The following WWOX variants were observed in gnomAD, a reference collection of about 807,000 sequenced individuals.
The protein encoded by WWOX is WW domain containing oxidoreductase.
WWOX carries 69 observed loss-of-function variants against 46.2 expected under a neutral mutation model. That is an observed-to-expected ratio of 1.49 (90% CI 1.23 to 1.82). The LOEUF (loss-of-function observed/expected upper bound fraction) is 1.82, where lower values mean the gene tolerates loss of function less well. Ranked by LOEUF, WWOX falls within the 40% of genes most tolerant of loss-of-function variation. WWOX has a pLI of 0.00. For synonymous variants in WWOX, 359 were observed against 202.6 expected (o/e 1.77, Z -6.56); for missense variants, 919 against 542.6 (o/e 1.69, Z -6.89).
intron 8 of WWOX, among the ~76,000 whole-genome samples, chr16:78,830,551 C>G (rs959848922): frequency 2.0e-5 from 3 of 151,958 alleles, no homozygotes; most frequent in South Asian, 2.1e-4. Context: ...CAGCAGATTC[C>G]CAGCATCTTC....
chr16:78,752,761 C>G (rs1358595314), intron 8 of WWOX, among the ~76,000 whole-genome samples: 1 of 152,216 alleles, frequency 6.6e-6, no homozygotes, highest in African/African-American at 2.4e-5. Context: ...TTCACCACAA[C>G]TTTATGTAAT....
chr16:78,388,969 CAAAA>C (rs71137896), intron 6 of WWOX, among the ~76,000 whole-genome samples: 2 of 129,274 alleles, frequency 1.5e-5, no homozygotes, highest in African/African-American at 6.3e-5. Flanking sequence ...AACTCTGTCT[CAAAA>C]AAAAAAAAAA....
chr16:78,886,421 A>C (rs945081346), intron 8 of WWOX, among the ~76,000 whole-genome samples: 3 of 151,864 alleles, frequency 2.0e-5, no homozygotes, highest in African/African-American at 7.2e-5. Flanking sequence ...GGCTTCACAA[A>C]AGAACATTTC....
intron 8 of WWOX, among the ~76,000 whole-genome samples, chr16:79,071,982 T>C (rs541935554): frequency 6.6e-6 from 1 of 152,282 alleles, no homozygotes; most frequent in South Asian, 2.1e-4. Context: ...TTTTTTGTAT[T>C]AGCTTAAAAA....
chr16:79,203,430 T>G (rs1158013174), intron 8 of WWOX: 1 of 152,028 alleles, frequency 6.6e-6, no homozygotes, highest in East Asian at 1.9e-4. Flanking sequence ...CCTCTTAATT[T>G]GTTTCTGGAA....
chr16:78,948,180 T>C (rs2045985398), intron 8 of WWOX, among the ~76,000 whole-genome samples: 1 of 152,172 alleles, frequency 6.6e-6, no homozygotes, highest in Non-Finnish European at 1.5e-5. Context: ...CCGTGGTTTG[T>C]CAGGACATTT....
chr16:78,134,854 G>C (rs1182246241), intron 4 of WWOX, among the ~76,000 whole-genome samples: 1 of 152,112 alleles, frequency 6.6e-6, no homozygotes, highest in Non-Finnish European at 1.5e-5. Flanking sequence ...TGAGGATATT[G>C]GTAATATTGT....
At chr16:78,909,298 T>G (rs1945612994) in intron 8 of WWOX, among the ~76,000 whole-genome samples, 1 of 152,200 alleles carries the variant, frequency 6.6e-6, no homozygotes, top group Admixed American at 6.5e-5. Flanking sequence ...AATGTTGAGA[T>G]GCCAAGGGGG....
chr16:79,046,757 G>C (rs369502573), intron 8 of WWOX, among the ~76,000 whole-genome samples: 39 of 152,254 alleles, frequency 2.6e-4, no homozygotes, highest in African/African-American at 8.9e-4. Context: ...AAGAAATCCA[G>C]GGCTGGGTGT....
chr16:78,746,229 G>C (rs887777846), intron 8 of WWOX, among the ~76,000 whole-genome samples: 1 of 152,238 alleles, frequency 6.6e-6, no homozygotes, highest in Non-Finnish European at 1.5e-5. Flanking sequence ...TGAGCATGGT[G>C]GCTCACACCT....
chr16:78,620,641 C>T (rs911344503), intron 8 of WWOX, among the ~76,000 whole-genome samples: 4 of 152,136 alleles, frequency 2.6e-5, no homozygotes, highest in African/African-American at 9.7e-5. Flanking sequence ...AGTGTACTTC[C>T]TGCTTCTTGA....
At chr16:78,625,009 A>G (rs2046279997) in intron 8 of WWOX, among the ~76,000 whole-genome samples, 1 of 152,114 alleles carries the variant, frequency 6.6e-6, no homozygotes, top group South Asian at 2.1e-4. Flanking sequence ...TTCTGCCTCC[A>G]TCACTGGAAC....
Position 78,723,845 on chromosome 16 carries a change from TC to T in WWOX, c.1056+291094del, listed in dbSNP as rs1345636024. 2.0e-5 allele frequency among the ~76,000 whole-genome samples: 3 copies of T among 152,008 alleles called. No homozygotes were observed. The East Asian group carries it at 5.8e-4, about 29-fold the overall frequency. The stretch of plus-strand genomic sequence containing the variant: ...TGATGTAACAGATAACCCCCAAATT[TC>T]AGTGATTTCACATTTAATCTGTAAA... On this transcript the variant is annotated intron_variant, in intron 8 of 8. Coordinates refer to ENST00000566780, the MANE Select transcript of WWOX (RefSeq NM_016373.4).
At chr16:78,217,600 C>T (rs192893114) in intron 5 of WWOX, among the ~76,000 whole-genome samples, 8 of 152,150 alleles carry the variant, frequency 5.3e-5, no homozygotes, top group African/African-American at 9.6e-5. Flanking sequence ...TAATAGAGAC[C>T]GAGAAACTTA....
chr16:79,023,383 CCTTGAGTGATTTA>C (rs1428761755), intron 8 of WWOX, among the ~76,000 whole-genome samples: 1 of 152,068 alleles, frequency 6.6e-6, no homozygotes, highest in Non-Finnish European at 1.5e-5. Flanking sequence ...TGCCTAATTC[CCTTGAGTGATTTA>C]CTTGGTGTTA....
chr16:78,139,152 T>A (rs2033900968), intron 4 of WWOX, among the ~76,000 whole-genome samples: 1 of 152,156 alleles, frequency 6.6e-6, no homozygotes, highest in Non-Finnish European at 1.5e-5. Context: ...AATGGCTGGT[T>A]AGTTGGTAGA....
In WWOX at chr16:78,809,385, T is replaced by A. The variant is rs1374543050; in HGVS notation, c.1056+376633T>A. Among the ~76,000 whole-genome samples the A allele has an allele frequency of 4.6e-5, 7 of 152,032 alleles. No homozygotes were observed. In the South Asian group the frequency reaches 1.0e-3, roughly 23 times the overall value. The stretch of plus-strand genomic sequence containing the variant: ...AAAAGCATTTTTCGAATGAAAACTT[T>A]TTATTATATTTGATATATTCTGCTT... On this transcript the variant is annotated intron_variant, in intron 8 of 8. Coordinates refer to ENST00000566780, the MANE Select transcript of WWOX (RefSeq NM_016373.4).
chr16:78,614,617 T>TA (rs1304887467), intron 8 of WWOX, among the ~76,000 whole-genome samples: 1 of 152,176 alleles, frequency 6.6e-6, no homozygotes, highest in Non-Finnish European at 1.5e-5. Flanking sequence ...TAGAGAGACA[T>TA]AGGTGTATGG....
At chr16:78,153,972 G>A (rs377164301) in intron 4 of WWOX, among the ~76,000 whole-genome samples, 1 of 152,192 alleles carries the variant, frequency 6.6e-6, no homozygotes, top group Non-Finnish European at 1.5e-5. Context: ...TTTTGTGCCT[G>A]AGGATTCTGT....
Sources: gnomAD v4.1 joint callset for allele counts (sites outside exome capture counted in the v4.1 genomes callset) on GRCh38, gnomAD v4.1.1 for gene constraint, MANE v1.5 for transcripts, NCBI Gene and HGNC (gene_info 2026-07-23, HGNC 2026-07-21) for gene names.